ADH1A: variants seen among roughly 807,000 people sequenced by gnomAD.
ADH1A encodes alcohol dehydrogenase 1A (class I), alpha polypeptide, also known as alcohol dehydrogenase 1A.
A neutral mutation model predicts 35.2 loss-of-function variants in ADH1A; 29 were observed. The observed-to-expected ratio is 0.82, with a 90% confidence interval of 0.61 to 1.12. The LOEUF is 1.12. Among genes scored for constraint, ADH1A ranks in the 50% most tolerant of loss-of-function variants. The probability of loss-of-function intolerance (pLI) is 0.00; values close to 1 mark genes in which losing one functional copy is unlikely to be tolerated. For synonymous variants in ADH1A, 147 were observed against 164.8 expected (o/e 0.89, Z 0.83); for missense variants, 469 against 464.7 (o/e 1.01, Z -0.09).
At chr4:99,288,233 C>T (rs561714301) in intron 1 of ADH1A, among the ~76,000 whole-genome samples, 1 of 152,260 alleles carries the variant, frequency 6.6e-6, no homozygotes, top group African/African-American at 2.4e-5. Flanking sequence ...TGTTCCAACA[C>T]CCATTTGCAA....
chr4:99,282,352 G>A lies in ADH1A; in HGVS notation c.822C>T (p.Asp274=). 1.2e-6 allele frequency: 2 copies of A among 1,614,178 alleles called. No homozygotes were observed. The highest frequency in any genetic ancestry group is 1.7e-6 in the Non-Finnish European group (2 of 1,180,024). Residue 274 remains aspartate, a synonymous_variant, in exon 6 of 9, where the codon GAC becomes GAT. Coordinates refer to ENST00000209668, the MANE Select transcript of ADH1A (RefSeq NM_000667.4). ...GGCATGTCATGGTACATACCATGGT[G>A]TCAAGCCGACCGATGACTTCAAATG... ...DFSFEVIGRL[D]TMMASLLCCH...
At chr4:99,284,648 G>A (rs1733098159) in intron 4 of ADH1A, 30 bp from the exon 5 acceptor site, 3 of 1,613,564 alleles carry the variant, frequency 1.9e-6, no homozygotes, top group Non-Finnish European at 1.7e-6. Context: ...GACACACAAA[G>A]GCATGAGACA....
At chr4:99,280,349 C>T in intron 6 of ADH1A, 70 bp from the exon 7 acceptor site, 1 of 1,601,346 alleles carries the variant, frequency 6.2e-7, no homozygotes, top group Non-Finnish European at 8.5e-7. Flanking sequence ...TGCACAATAT[C>T]ATGTAATAGG....
intron 1 of ADH1A, among the ~76,000 whole-genome samples, chr4:99,288,018 A>C (rs1291338417): frequency 6.6e-6 from 1 of 152,170 alleles, no homozygotes; most frequent in Admixed American, 6.5e-5. Flanking sequence ...GGTACATCAA[A>C]TTCTAAGTCA....
At chr4:99,277,800 G>A (rs1732906181) in intron 8 of ADH1A, among the ~76,000 whole-genome samples, 1 of 151,924 alleles carries the variant, frequency 6.6e-6, no homozygotes, top group Non-Finnish European at 1.5e-5. Flanking sequence ...TCCTCATGTT[G>A]AAATTTAGAA....
intron 2 of ADH1A, 73 bp from the exon 3 acceptor site, chr4:99,287,061 A>C (rs776678553): frequency 1.2e-4 from 189 of 1,543,768 alleles, no homozygotes; most frequent in South Asian, 2.7e-4. Flanking sequence ...AGTTCCCTGA[A>C]ATTGCGCTTC....
chr4:99,276,680 C>A, intron 8 of ADH1A, 32 bp from the exon 9 acceptor site: 1 of 1,595,520 alleles, frequency 6.3e-7, no homozygotes. Flanking sequence ...ATTGTATTAG[C>A]ATTTAGACAT....
intron 5 of ADH1A, among the ~76,000 whole-genome samples, chr4:99,283,388 T>C (rs1477939017): frequency 6.6e-6 from 1 of 152,154 alleles, no homozygotes; most frequent in Non-Finnish European, 1.5e-5. Context: ...TTATTAAACC[T>C]AGTCTCCCAT....
intron 6 of ADH1A, 42 bp from the exon 7 acceptor site, chr4:99,280,321 C>T: frequency 6.2e-7 from 1 of 1,611,274 alleles, no homozygotes; most frequent in Non-Finnish European, 8.5e-7. Flanking sequence ...CATGGAGTCG[C>T]ATAGTTCCTA....
At chr4:99,289,137 A>G (rs1461555213) in intron 1 of ADH1A, among the ~76,000 whole-genome samples, 2 of 152,162 alleles carry the variant, frequency 1.3e-5, no homozygotes, top group African/African-American at 2.4e-5. Context: ...TGCAAAGGCC[A>G]TTATTTTATT....
Position 99,286,851 on chromosome 4 carries a change from T to C in ADH1A, c.258A>G (p.Pro86=). 4.3e-6 allele frequency: 7 copies of C among 1,613,768 alleles called. No homozygotes were observed. Among genetic ancestry groups the C allele is most frequent in the Non-Finnish European group, 5.9e-6 (7 of 1,179,896 alleles). Residue 86 remains proline (P), a splice_region_variant and synonymous_variant, in exon 3 of 9, where the codon CCA becomes CCG. Coordinates refer to ENST00000209668, the MANE Select transcript of ADH1A (RefSeq NM_000667.4). ...SVGEGVTTVK[P]GDKVIPLAIP... ...GTTTCCTGAATGTGAATCCTGTACC[T>C]GGTTTGACTGTAGTCACCCCTTCTC...
intron 6 of ADH1A, chr4:99,281,946 T>A (rs1733014600): frequency 4.9e-6 from 1 of 203,434 alleles, no homozygotes; most frequent in Non-Finnish European, 9.9e-6. Flanking sequence ...AAATTGGAAT[T>A]TATTAAGAAC....
chr4:99,284,318 C>G, intron 5 of ADH1A, 81 bp downstream of exon 5: 1 of 1,421,544 alleles, frequency 7.0e-7, no homozygotes, highest in Admixed American at 1.9e-5. Flanking sequence ...AAATAATCTT[C>G]GATTCTTGTG....
chr4:99,288,268 TATCTG>T (rs769481919), intron 1 of ADH1A, among the ~76,000 whole-genome samples: 12 of 152,294 alleles, frequency 7.9e-5, no homozygotes, highest in Admixed American at 1.3e-4. Context: ...GCTGTACTGT[TATCTG>T]ATCTATGTGT....
chr4:99,286,665 T>G, intron 3 of ADH1A, 185 bp downstream of exon 3: 1 of 951,454 alleles, frequency 1.1e-6, no homozygotes, highest in East Asian at 2.5e-5. Context: ...GTAGAATACA[T>G]GCGTGCCTAA....
At chr4:99,287,143 G>T in intron 2 of ADH1A, 155 bp from the exon 3 acceptor site, 4 of 963,650 alleles carry the variant, frequency 4.2e-6, no homozygotes, top group Non-Finnish European at 6.0e-6. Flanking sequence ...TATCCTCAAG[G>T]TTGACCAGGC....
At position 99,280,271 on chromosome 4, in the gene ADH1A, G is replaced by C. The variant is rs753458445; in HGVS notation, c.837C>G (p.Ser279=). ...VIGRLDTMMA[S]LLCCHEACGT... ...CACATGCCTCATGACAACATAACAGGGAAGCCATCTGGAATAAAGTGAACA... is the reference window on the plus strand; with the variant it reads ...CACATGCCTCATGACAACATAACAGCGAAGCCATCTGGAATAAAGTGAACA... Residue 279 remains serine, a synonymous_variant, in exon 7 of 9, where the codon TCC becomes TCG. Transcript: ENST00000209668. The C allele has an allele frequency of 1.2e-6, 2 of 1,613,350 alleles. No individual in the cohort carries two copies. The highest frequency in any genetic ancestry group is 1.7e-5 in the Admixed American group (1 of 59,990).
At chr4:99,280,546 A>C (rs941923648) in intron 6 of ADH1A, among the ~76,000 whole-genome samples, 1 of 152,240 alleles carries the variant, frequency 6.6e-6, no homozygotes, top group South Asian at 2.1e-4. Flanking sequence ...GGTAGATATC[A>C]TCACAAATAT....
intron 5 of ADH1A, 84 bp downstream of exon 5, chr4:99,284,315 C>G (rs1733084367): frequency 2.1e-6 from 3 of 1,408,356 alleles, no homozygotes; most frequent in Admixed American, 1.9e-5. Context: ...CAAAAATAAT[C>G]TTCGATTCTT....
Sources: allele counts gnomAD v4.1 joint callset (sites outside exome capture counted in the v4.1 genomes callset), GRCh38; gene constraint gnomAD v4.1.1; transcripts MANE v1.5; gene names NCBI Gene and HGNC (gene_info 2026-07-23, HGNC 2026-07-21).